Variants in FAT1 observed in about 807,000 individuals in gnomAD.
FAT1 encodes the protein protocadherin Fat 1.
In FAT1, 171 loss-of-function variants were observed where a neutral mutation model predicts 329.8. The observed-to-expected ratio is 0.52, with a 90% CI of 0.46 to 0.59. The LOEUF (loss-of-function observed/expected upper bound fraction) is 0.59, where lower values mean the gene tolerates loss of function less well. Among genes scored for constraint, FAT1 ranks in the 20% least tolerant of loss-of-function variants. The probability of loss-of-function intolerance (pLI) is 0.00; values close to 1 mark genes in which losing one functional copy is unlikely to be tolerated. For synonymous variants in FAT1, 2,233 were observed against 2,228.6 expected, an observed-to-expected ratio of 1.00 and a Z score of -0.06; for missense variants, 5,672 against 5,774.4, an observed-to-expected ratio of 0.98 and a Z score of 0.57.
At chr4:186,710,877 A>T (rs1057107302) in intron 1 of FAT1, among the ~76,000 whole-genome samples, 1 of 152,242 alleles carries the variant, frequency 6.6e-6, no homozygotes, top group African/African-American at 2.4e-5. Flanking sequence ...AAACTGAAGA[A>T]ATGAAGAAAA....
At chr4:186,686,526 C>G (rs562801476) in intron 2 of FAT1, among the ~76,000 whole-genome samples, 1 of 152,128 alleles carries the variant, frequency 6.6e-6, no homozygotes. Flanking sequence ...TGCCTCAATA[C>G]AAATCTCATT....
chr4:186,600,814 G>T (rs567032587), intron 21 of FAT1, among the ~76,000 whole-genome samples: 2 of 152,306 alleles, frequency 1.3e-5, no homozygotes, highest in East Asian at 3.9e-4. Flanking sequence ...CTGTTCAAGT[G>T]ATTCTCGTGC....
At position 186,600,144 on chromosome 4, in the gene FAT1, C is replaced by G; in HGVS notation, c.11857G>C (p.Gly3953Arg). ...TLNLDNYVFF[G>R]GHIRQQGTRH... The stretch of plus-strand genomic sequence containing the variant: ...GTTCCCTGCTGACGGATGTGGCCAC[C>G]AAAAAACACATAGTTATCCAGGTTC... Residue 3953 changes from glycine (G) to arginine (R), a missense_variant, in exon 22 of 27, where the codon GGT (glycine) becomes CGT (arginine). This residue lies in a region of FAT1 where 1,706 missense variants were observed against 1,859.1 expected (regional missense o/e 0.92). Coordinates refer to ENST00000441802, the MANE Select transcript of FAT1 (RefSeq NM_005245.4). 6.2e-7 allele frequency: 1 copy of G among 1,613,962 alleles called. No homozygotes were observed. The highest frequency in any genetic ancestry group is 8.5e-7 in the Non-Finnish European group (1 of 1,179,880).
chr4:186,707,394 C>T lies in FAT1; in HGVS notation c.2434G>A (p.Val812Ile), dbSNP rs570174616. Reference sequence around the variant, plus strand: ...GGTGGATTATCATTGGCATCGACAACCACGACATGTAGAAGACGCCACGCA... The same window carrying T: ...GGTGGATTATCATTGGCATCGACAATCACGACATGTAGAAGACGCCACGCA... ...KAAWRLLHVV[V>I]VDANDNPPEF... is the part of the protein sequence containing the mutation. The change falls in exon 2 of 27, where the codon GTT becomes ATT. Residue 812 changes from valine to isoleucine, a missense_variant. Physicochemically the swap from Val to Ile is conservative, Grantham distance 29. Around this residue, in one of 2 missense-constraint regions of FAT1, gnomAD observed 3,966 missense variants for 3,915.2 expected, o/e 1.01. Coordinates refer to ENST00000441802, the MANE Select transcript of FAT1 (RefSeq NM_005245.4). 4 of 1,613,990 alleles carry T rather than the reference C, an allele frequency of 2.5e-6. No individual in the cohort carries two copies. The South Asian group carries it at 3.3e-5, about 13-fold the overall frequency.
intron 2 of FAT1, among the ~76,000 whole-genome samples, chr4:186,679,438 A>G (rs1340349564): frequency 6.7e-6 from 1 of 150,326 alleles, no homozygotes; most frequent in Non-Finnish European, 1.5e-5. Context: ...AAAAAAAAAA[A>G]AAAAATGGGG....
intron 3 of FAT1, among the ~76,000 whole-genome samples, chr4:186,646,385 G>A (rs73873675): frequency 0.011 from 1,689 of 152,192 alleles, 34 homozygotes; most frequent in African/African-American, 0.039. Context: ...AGCCATACAC[G>A]TTCTAGAAAA....
intron 3 of FAT1, among the ~76,000 whole-genome samples, chr4:186,662,292 G>C (rs1346180908): frequency 6.6e-6 from 1 of 152,060 alleles, no homozygotes; most frequent in Non-Finnish European, 1.5e-5. Context: ...TAATTTTTCA[G>C]TACTTAGTTC....
rs777396196 is a variant in FAT1, at chr4:186,599,968, C to A, written c.12033G>T (p.Leu4011=). ...TGCTGGCGCAGTCTTCCGTGGCCGT[C>A]AGGAAGCAGCCTGGAGATACATCCA... ...ESVDVSPGCF[L]TATEDCASNP... is the part of the protein sequence containing the mutation. Residue 4011 remains leucine (L), a synonymous_variant, in exon 22 of 27, where the codon CTG becomes CTT. Transcript: ENST00000441802. The A allele has an allele frequency of 6.2e-6, 10 of 1,613,998 alleles. No homozygotes were observed. The highest frequency in any genetic ancestry group is 6.8e-6 in the Non-Finnish European group (8 of 1,179,884).
chr4:186,706,828 A>G lies in FAT1; in HGVS notation c.3000T>C (p.Thr1000=), dbSNP rs372907392. The change falls in exon 2 of 27, where the codon ACT becomes ACC. Residue 1000 remains threonine, a synonymous_variant. Transcript: ENST00000441802. ...GCTTTCCCTTGTCTTTGGCCCTCAC[A>G]GTGAGATTATACACTTGCTTCTTCT... The part of the protein sequence containing the change: ...DFEKKQVYNL[T]VRAKDKGKPV... The G allele has an allele frequency of 1.7e-5, 28 of 1,613,870 alleles. No homozygotes were observed. Among genetic ancestry groups the G allele is most frequent in the Non-Finnish European group, 2.3e-5 (27 of 1,179,896 alleles).
chr4:186,699,870 A>C (rs1744218005), intron 2 of FAT1, among the ~76,000 whole-genome samples: 1 of 152,234 alleles, frequency 6.6e-6, no homozygotes, highest in Non-Finnish European at 1.5e-5. Flanking sequence ...CCTAAAGCTT[A>C]AAATCTTTTC....
intron 17 of FAT1, among the ~76,000 whole-genome samples, chr4:186,605,044 C>T (rs1739036152): frequency 6.6e-6 from 1 of 151,676 alleles, no homozygotes; most frequent in Non-Finnish European, 1.5e-5. Context: ...CGTGGTGAAA[C>T]CCCGTCTCTA....
chr4:186,631,445 T>C (rs1246548326), intron 7 of FAT1, among the ~76,000 whole-genome samples: 20 of 130,642 alleles, frequency 1.5e-4, no homozygotes, highest in Admixed American at 3.9e-4. Context: ...TGTCTCACCG[T>C]CCAGGTGACT....
chr4:186,644,616 C>T (rs1249905234), intron 3 of FAT1, among the ~76,000 whole-genome samples: 8 of 152,160 alleles, frequency 5.3e-5, no homozygotes, highest in African/African-American at 2.4e-5. Flanking sequence ...GGCCTTTCAA[C>T]GCCACTTAGA....
At chr4:186,598,418 T>C (rs1738640976) in intron 22 of FAT1, 3 of 265,608 alleles carry the variant, frequency 1.1e-5, no homozygotes, top group South Asian at 2.7e-4. Flanking sequence ...AGTGACCATG[T>C]ACGTAGACAG....
Position 186,596,733 on chromosome 4 carries a change from G to T in FAT1, c.12807C>A (p.Asp4269Glu), listed in dbSNP as rs2126389080. Residue 4269 changes from aspartate (D) to glutamate (E), a missense_variant, in exon 25 of 27, where the codon GAC (aspartate) becomes GAA (glutamate). Coordinates refer to ENST00000441802, the MANE Select transcript of FAT1 (RefSeq NM_005245.4). This position sits in a 1 kb window ranked among gnomAD's most constrained non-coding sequence, Gnocchi z 4.7. Reference sequence around the variant, plus strand: ...TAGCAGATCCTTCGAAGGAATTTCGGTCCAGATTGTTTCTTGAGTCACTTG... The same window carrying T: ...TAGCAGATCCTTCGAAGGAATTTCGTTCCAGATTGTTTCTTGAGTCACTTG... The part of the protein sequence containing the change: ...SIPSDSRNNL[D>E]RNSFEGSAIP... 1 of 1,613,976 alleles carries T rather than the reference G, an allele frequency of 6.2e-7. No individual in the cohort carries two copies.
Position 186,713,876 on chromosome 4 carries a change from G to A in FAT1, c.-18-4031C>T, listed in dbSNP as rs566649865. 2.0e-4 allele frequency among the ~76,000 whole-genome samples: 31 copies of A among 152,128 alleles called. 1 individual carries two copies. The East Asian group carries it at 5.8e-3, about 29-fold the overall frequency. ...TCATGTTTGTATTTTTTATAGAGAC[G>A]GGGTTTCACCACGTTGCCCAGGCTG... On this transcript the variant is annotated intron_variant, in intron 1 of 26. Coordinates refer to ENST00000441802, the MANE Select transcript of FAT1 (RefSeq NM_005245.4).
intron 3 of FAT1, among the ~76,000 whole-genome samples, chr4:186,660,236 C>G (rs764064435): frequency 2.2e-4 from 34 of 152,224 alleles, no homozygotes; most frequent in Admixed American, 5.2e-4. Context: ...ACTGACCTAC[C>G]TGGGAACAGT....
rs777465692 is a variant in FAT1 at position 186,621,296 on chromosome 4, C to T, written c.5290G>A (p.Val1764Ile). Residue 1764 changes from valine to isoleucine, a missense_variant, in exon 10 of 27, where the codon GTT (valine) becomes ATT (isoleucine). Physicochemically the swap from Val to Ile is conservative, Grantham distance 29 (BLOSUM62 3). This residue lies in a region of FAT1 where 3,966 missense variants were observed against 3,915.2 expected (regional missense o/e 1.01). Transcript: ENST00000441802. ...CCTGTATATTCTGCCTGCATAAAAA[C>T]TGGCGCGTTGTCATTCTCATCCTGC... ...HLQDENDNAPVFMQAEYTGLI... is the reference protein window; with the variant it reads ...HLQDENDNAPIFMQAEYTGLI... 1.2e-6 allele frequency: 2 copies of T among 1,614,038 alleles called. No individual in the cohort carries two copies. The highest frequency in any genetic ancestry group is 1.7e-6 in the Non-Finnish European group (2 of 1,179,902).
At chr4:186,617,253 A>G (rs1438589081) in intron 10 of FAT1, 52 bp from the exon 11 acceptor site, 3 of 1,272,628 alleles carry the variant, frequency 2.4e-6, no homozygotes, top group Non-Finnish European at 3.3e-6. Context: ...AAGGATAAAA[A>G]TAAGTAACAG....
Sources: allele counts gnomAD v4.1 joint callset (sites outside exome capture counted in the v4.1 genomes callset), GRCh38; gene constraint gnomAD v4.1.1; regional missense constraint gnomAD v4.1.1; non-coding constraint Gnocchi (gnomAD v3.1); transcripts MANE v1.5; gene names NCBI Gene and HGNC (gene_info 2026-07-23, HGNC 2026-07-21).